ANKRD53: variants seen among roughly 807,000 people sequenced by gnomAD.
ANKRD53 encodes ankyrin repeat domain-containing protein 53.
ANKRD53 carries 27 observed loss-of-function variants against 30.1 expected under a neutral mutation model. The ratio of observed to expected loss-of-function variants is 0.90; its 90% CI spans 0.66 to 1.24. ANKRD53 has a LOEUF of 1.24. ANKRD53 is among the 50% of genes most tolerant of loss of function. The pLI is 0.00. For missense variants in ANKRD53, 682 were observed against 721.0 expected, an observed-to-expected ratio of 0.95 and a Z score of 0.62; for synonymous variants, 286 against 295.4, an observed-to-expected ratio of 0.97 and a Z score of 0.33.
At chr2:70,978,520 C>A, upstream of ANKRD53, 1 of 1,189,104 alleles carries the variant, frequency 8.4e-7, no homozygotes. The surrounding 1 kb of genome is among the most constrained non-coding windows in gnomAD (Gnocchi z 4.3). Flanking sequence ...GAGAGGCAGC[C>A]GAACCCTAGC....
Position 70,982,266 on chromosome 2 carries a change from T to TC in ANKRD53, c.782+167dup. ...TATTTTGGATGAGGCAATCACCTCATCACCTGGGCTTGGGGGTAAGTCTGC... is the reference window on the plus strand; with the variant it reads ...TATTTTGGATGAGGCAATCACCTCATCCACCTGGGCTTGGGGGTAAGTCTGC... On this transcript the variant is annotated intron_variant, in intron 4 of 5. Transcript: ENST00000360589. This position sits in a 1 kb window ranked among gnomAD's most constrained non-coding sequence, Gnocchi z 4.2. 2 of 860,222 alleles carry TC rather than the reference T, an allele frequency of 2.3e-6. No individual in the cohort carries two copies. The highest frequency in any genetic ancestry group is 3.5e-6 in the Non-Finnish European group (2 of 577,666). 53.3% of individuals were successfully genotyped at this position (860,222 alleles called of 1,614,324 possible).
chr2:70,982,532 C>A lies in ANKRD53; in HGVS notation c.783-45C>A. The stretch of plus-strand genomic sequence containing the variant: ...CCAGTCTTCCCAGCCCAGGTGGAAG[C>A]TCTGTCACTGTGGGATGACACCCCC... On this transcript the variant is annotated intron_variant, in intron 4 of 5. Coordinates refer to ENST00000360589, the MANE Select transcript of ANKRD53 (RefSeq NM_001115116.2). The surrounding 1 kb of genome is among the most constrained non-coding windows in gnomAD (Gnocchi z 4.2). 6.2e-7 allele frequency: 1 copy of A among 1,607,954 alleles called. No homozygotes were observed.
upstream of ANKRD53, chr2:70,978,475 TCCCCGGAGGCCCCCGGGCTCTGC>T (rs1669890296): frequency 2.9e-6 from 2 of 699,374 alleles, no homozygotes; most frequent in South Asian, 5.8e-5. This position sits in a 1 kb window ranked among gnomAD's most constrained non-coding sequence, Gnocchi z 4.3. Flanking sequence ...GCGGGCAGGG[TCCCCGGAGGCCCCCGGGCTCTGC>T]CCCTCCAGCT....
At chr2:70,980,806 C>T (rs935766510) in intron 3 of ANKRD53, among the ~76,000 whole-genome samples, 2 of 151,912 alleles carry the variant, frequency 1.3e-5, no homozygotes, top group African/African-American at 2.4e-5. Flanking sequence ...GTTAACCGGG[C>T]GTAGTGGCGG....
At chr2:70,981,632 G>A (rs1414233581) in intron 3 of ANKRD53, among the ~76,000 whole-genome samples, 3 of 152,202 alleles carry the variant, frequency 2.0e-5, no homozygotes, top group Admixed American at 6.5e-5. Flanking sequence ...ATAGGGAAAG[G>A]GCAGGGGGCT....
rs1669920681 is a variant in ANKRD53 at position 70,979,162 on chromosome 2, G to A, written c.236G>A (p.Arg79His). 1 of 1,611,174 alleles carries A rather than the reference G, an allele frequency of 6.2e-7. No individual in the cohort carries two copies. The highest frequency in any genetic ancestry group is 8.5e-7 in the Non-Finnish European group (1 of 1,179,366). ...AQATALARPRRPASLTPPRAD... is the reference protein window; with the variant it reads ...AQATALARPRHPASLTPPRAD... Reference sequence around the variant, plus strand: ...GCGACTGCCCTCGCCAGGCCGCGCCGCCCTGCCTCGCTCACCCCGCCCCGC... The same window carrying A: ...GCGACTGCCCTCGCCAGGCCGCGCCACCCTGCCTCGCTCACCCCGCCCCGC... Residue 79 changes from arginine to histidine, a missense_variant, in exon 2 of 6, where the codon CGC becomes CAC. Physicochemically the swap from Arg to His is conservative, Grantham distance 29. Coordinates refer to ENST00000360589, the MANE Select transcript of ANKRD53 (RefSeq NM_001115116.2).
chr2:70,978,742 A>G lies in ANKRD53; in HGVS notation c.97A>G (p.Ser33Gly). The G allele has an allele frequency of 1.3e-6, 2 of 1,562,092 alleles. No homozygotes were observed. The highest frequency in any genetic ancestry group is 2.3e-5 in the East Asian group (1 of 42,732). The change falls in exon 1 of 6, where the codon AGT becomes GGT. Residue 33 changes from serine to glycine, a missense_variant. Coordinates refer to ENST00000360589, the MANE Select transcript of ANKRD53 (RefSeq NM_001115116.2). The surrounding 1 kb of genome is among the most constrained non-coding windows in gnomAD (Gnocchi z 4.3). ...GRGARPQPTP[S>G]GSMQQANKVS... ...AGGTGCTCGGCCGCAGCCAACTCCAAGTGGCTCCATGCAGCAGGCGAACAA... is the reference window on the plus strand; with the variant it reads ...AGGTGCTCGGCCGCAGCCAACTCCAGGTGGCTCCATGCAGCAGGCGAACAA...
In ANKRD53 at chr2:70,979,685, G is replaced by A. The variant is rs377050447; in HGVS notation, c.442G>A (p.Ala148Thr). The change falls in exon 3 of 6, where the codon GCC becomes ACC. Residue 148 changes from alanine (A) to threonine (T), a missense_variant. Transcript: ENST00000360589. ...GGGCTTCACTGCCATCCACTTCGCC[G>A]CCCAATGGGGCAAGCTTGCATGCCT... is the stretch of plus-strand genomic sequence containing the variant. ...DKGFTAIHFA[A>T]QWGKLACLQV... 2.4e-5 allele frequency: 39 copies of A among 1,613,902 alleles called. No individual in the cohort carries two copies. Among genetic ancestry groups the A allele is most frequent in the South Asian group, 7.7e-5 (7 of 91,046 alleles).
At position 70,985,496 on chromosome 2, in the gene ANKRD53, C is replaced by T; in HGVS notation, c.*196C>T. 1.7e-6 allele frequency: 1 copy of T among 583,306 alleles called. No individual in the cohort carries two copies. Among genetic ancestry groups the T allele is most frequent in the Non-Finnish European group, 3.0e-6 (1 of 334,562 alleles). 36.1% of individuals were successfully genotyped at this position (583,306 alleles called of 1,614,324 possible). A position where few individuals can be genotyped will look rare whatever the true frequency, so the allele number is the denominator to read the frequency against. On this transcript the variant is annotated 3_prime_UTR_variant, in exon 6 of 6. Transcript: ENST00000360589. ...CTGCAAATAAATCTCTTGGCACCCC[C>T]CCACCGCCGCCAGGAAATCCAAGTT... is the stretch of plus-strand genomic sequence containing the variant.
Position 70,984,934 on chromosome 2 carries a change from C to A in ANKRD53, c.1227C>A (p.Gly409=). 6.4e-7 allele frequency: 1 copy of A among 1,550,760 alleles called. No individual in the cohort carries two copies. The highest frequency in any genetic ancestry group is 8.7e-7 in the Non-Finnish European group (1 of 1,146,950). ...GCCACTCGCAGGGCATCCGCCTGGG[C>A]GTGCATCCAGACCCCACTCCGGAGC... is the stretch of plus-strand genomic sequence containing the variant. The part of the protein sequence containing the change: ...QISHSQGIRL[G]VHPDPTPEHD... The change falls in exon 6 of 6, where the codon GGC becomes GGA. Residue 409 remains glycine, a synonymous_variant. Transcript: ENST00000360589.
At position 70,982,029 on chromosome 2, in the gene ANKRD53, C is replaced by A; in HGVS notation, c.711C>A (p.Val237=). The part of the protein sequence containing the change: ...VKVLVQSGAN[V]HAQDAMGYKP... Reference sequence around the variant, plus strand: ...TCCTGGTGCAGAGTGGCGCCAACGTCCATGCCCAAGATGCCATGGGCTACA... The same window carrying A: ...TCCTGGTGCAGAGTGGCGCCAACGTACATGCCCAAGATGCCATGGGCTACA... The change falls in exon 4 of 6, where the codon GTC becomes GTA. Residue 237 remains valine, a synonymous_variant. Coordinates refer to ENST00000360589, the MANE Select transcript of ANKRD53 (RefSeq NM_001115116.2). This position sits in a 1 kb window ranked among gnomAD's most constrained non-coding sequence, Gnocchi z 4.2. 6.2e-7 allele frequency: 1 copy of A among 1,613,810 alleles called. No homozygotes were observed. The highest frequency in any genetic ancestry group is 1.1e-5 in the South Asian group (1 of 91,038).
At chr2:70,983,602 C>G (rs544306004) in intron 5 of ANKRD53, among the ~76,000 whole-genome samples, 1 of 152,300 alleles carries the variant, frequency 6.6e-6, no homozygotes, top group East Asian at 1.9e-4. Context: ...CAGTTCTCAG[C>G]CCTATCCTCC....
chr2:70,985,496 C>A lies in ANKRD53; in HGVS notation c.*196C>A. On this transcript the variant is annotated 3_prime_UTR_variant, in exon 6 of 6. Coordinates refer to ENST00000360589, the MANE Select transcript of ANKRD53 (RefSeq NM_001115116.2). ...CTGCAAATAAATCTCTTGGCACCCC[C>A]CCACCGCCGCCAGGAAATCCAAGTT... 1 of 583,306 alleles carries A rather than the reference C, an allele frequency of 1.7e-6. No individual in the cohort carries two copies. Among genetic ancestry groups the A allele is most frequent in the Non-Finnish European group, 3.0e-6 (1 of 334,562 alleles). The allele number at this position is 583,306 out of a possible 1,614,324, so 36.1% of individuals were successfully genotyped here.
At position 70,982,094 on chromosome 2, in the gene ANKRD53, G is replaced by A; in HGVS notation, c.776G>A (p.Cys259Tyr). 1.2e-6 allele frequency: 2 copies of A among 1,604,522 alleles called. No homozygotes were observed. Among genetic ancestry groups the A allele is most frequent in the Non-Finnish European group, 1.7e-6 (2 of 1,174,860 alleles). Residue 259 changes from cysteine to tyrosine, a missense_variant, in exon 4 of 6, where the codon TGT (cysteine) becomes TAT (tyrosine). Coordinates refer to ENST00000360589, the MANE Select transcript of ANKRD53 (RefSeq NM_001115116.2). The surrounding 1 kb of genome is among the most constrained non-coding windows in gnomAD (Gnocchi z 4.2). ...DFCKIWNHRACARFLKDAMWK... is the reference protein window; with the variant it reads ...DFCKIWNHRAYARFLKDAMWK... ...TGCAAAATATGGAACCACCGTGCCTGTGCCCGGTGAGAGTGTGAGAACCAC... is the reference window on the plus strand; with the variant it reads ...TGCAAAATATGGAACCACCGTGCCTATGCCCGGTGAGAGTGTGAGAACCAC...
rs1553422782 is a variant in ANKRD53, at chr2:70,978,637, A to G, written c.-9A>G. ...CCCGCCCGGCCCGGGTCCGAGTTCC[A>G]GCCCCGCGATGGCCTCCGCGGGCAG... On this transcript the variant is annotated 5_prime_UTR_variant, in exon 1 of 6. Transcript: ENST00000360589. The surrounding 1 kb of genome is among the most constrained non-coding windows in gnomAD (Gnocchi z 4.3). 2 of 1,520,240 alleles carry G rather than the reference A, an allele frequency of 1.3e-6. No homozygotes were observed. The highest frequency in any genetic ancestry group is 5.4e-5 in the East Asian group (2 of 37,174). The allele number at this position is 1,520,240 out of a possible 1,614,324, so 94.2% of individuals were successfully genotyped here.
At chr2:70,978,459 C>T, upstream of ANKRD53, 6 of 583,298 alleles carry the variant, frequency 1.0e-5, no homozygotes, top group South Asian at 1.5e-4. The surrounding 1 kb of genome is among the most constrained non-coding windows in gnomAD (Gnocchi z 4.3). Context: ...GGGTGGGGAG[C>T]GGCAGGCGGG....
In ANKRD53 at chr2:70,978,822, A is replaced by T; in HGVS notation, c.170+7A>T. On this transcript the variant is annotated splice_region_variant and intron_variant, in intron 1 of 5. Coordinates refer to ENST00000360589, the MANE Select transcript of ANKRD53 (RefSeq NM_001115116.2). The surrounding 1 kb of genome is among the most constrained non-coding windows in gnomAD (Gnocchi z 4.3). The stretch of plus-strand genomic sequence containing the variant: ...CGGAGTCCAAGCAGCCCAGGTGGGT[A>T]GCGGGAGAAGGTGTCCCGGCTGCAG... The T allele has an allele frequency of 6.4e-7, 1 of 1,555,724 alleles. No individual in the cohort carries two copies. The highest frequency in any genetic ancestry group is 1.2e-5 in the South Asian group (1 of 84,016).
At chr2:70,978,514 G>A, upstream of ANKRD53, 1 of 1,125,004 alleles carries the variant, frequency 8.9e-7, no homozygotes, top group Non-Finnish European at 1.2e-6. This position sits in a 1 kb window ranked among gnomAD's most constrained non-coding sequence, Gnocchi z 4.3. Context: ...CAGCTAGAGA[G>A]GCAGCCGAAC....
Position 70,978,883 on chromosome 2 carries a change from C to G in ANKRD53, c.170+68C>G. On this transcript the variant is annotated intron_variant, in intron 1 of 5. Transcript: ENST00000360589. The surrounding 1 kb of genome is among the most constrained non-coding windows in gnomAD (Gnocchi z 4.3). ...CCCGGCCCAGCGCCTCCCTGGTGGG[C>G]AGGGCCTGGAGCGGGCGGGGGCGGA... 1 of 1,513,614 alleles carries G rather than the reference C, an allele frequency of 6.6e-7. No individual in the cohort carries two copies. Among genetic ancestry groups the G allele is most frequent in the East Asian group, 2.6e-5 (1 of 38,908 alleles). 93.8% of individuals were successfully genotyped at this position (1,513,614 alleles called of 1,614,324 possible). A position where few individuals can be genotyped will look rare whatever the true frequency, so the allele number is the denominator to read the frequency against.
Sources: allele counts gnomAD v4.1 joint callset (sites outside exome capture counted in the v4.1 genomes callset), GRCh38; gene constraint gnomAD v4.1.1; non-coding constraint Gnocchi (gnomAD v3.1); transcripts MANE v1.5; gene names NCBI Gene and HGNC (gene_info 2026-07-23, HGNC 2026-07-21).